Variants in MAP3K19 observed in about 807,000 individuals in gnomAD.
MAP3K19 encodes mitogen-activated protein kinase kinase kinase 19, also known as SPS1/STE20-related protein kinase YSK4.
Under a neutral mutation model 114.4 loss-of-function variants are expected in MAP3K19, and 91 were observed. That is an observed-to-expected ratio of 0.80 (90% CI 0.67 to 0.95). MAP3K19 has a LOEUF of 0.95. Among genes scored for constraint, MAP3K19 ranks in the 40% least tolerant of loss-of-function variants. The pLI, the probability that MAP3K19 is intolerant of heterozygous loss-of-function variation, is 0.00. For synonymous variants in MAP3K19, 518 were observed against 530.5 expected, an observed-to-expected ratio of 0.98 and a Z score of 0.32; for missense variants, 1,471 against 1,573.2, an observed-to-expected ratio of 0.94 and a Z score of 1.10.
chr2:135,038,096 G>A (rs1688571371), intron 2 of MAP3K19, among the ~76,000 whole-genome samples: 1 of 152,044 alleles, frequency 6.6e-6, no homozygotes, highest in Admixed American at 6.6e-5. Context: ...GGGATCAGGG[G>A]AGGTGTTTGC....
intron 9 of MAP3K19, among the ~76,000 whole-genome samples, chr2:134,990,460 GT>G (rs112948807): frequency 0.28 from 40,539 of 145,566 alleles, 5,978 homozygotes; most frequent in Middle Eastern, 0.6. Flanking sequence ...TTCTTTTTTT[GT>G]TTTTTTTTTT....
chr2:134,993,689 T>C (rs978622165), intron 8 of MAP3K19, among the ~76,000 whole-genome samples: 3 of 152,244 alleles, frequency 2.0e-5, no homozygotes, highest in African/African-American at 4.8e-5. Context: ...TATTTGAATA[T>C]GTATTATCCA....
At chr2:135,032,780 C>A (rs1384998220) in intron 2 of MAP3K19, among the ~76,000 whole-genome samples, 1 of 146,844 alleles carries the variant, frequency 6.8e-6, no homozygotes, top group Non-Finnish European at 1.5e-5. Context: ...GTGTTTGTGT[C>A]CCTGGGTACT....
At chr2:135,012,943 C>A (rs1400673385) in intron 5 of MAP3K19, among the ~76,000 whole-genome samples, 1 of 137,122 alleles carries the variant, frequency 7.3e-6, no homozygotes, top group African/African-American at 3.0e-5. Flanking sequence ...ACCCCCAAAC[C>A]CTTGTTTGTT....
intron 4 of MAP3K19, chr2:135,023,636 C>T: frequency 2.1e-6 from 1 of 474,824 alleles, no homozygotes; most frequent in South Asian, 1.6e-5. Context: ...GTCAACATCA[C>T]ATCTCGCAGT....
intron 1 of MAP3K19, among the ~76,000 whole-genome samples, chr2:135,041,617 C>A (rs901302018): frequency 4.6e-5 from 7 of 152,142 alleles, no homozygotes; most frequent in African/African-American, 7.2e-5. Context: ...GCGTGAGCCA[C>A]CGCACCCAGC....
intron 8 of MAP3K19, among the ~76,000 whole-genome samples, chr2:134,992,981 A>G (rs1685696902): frequency 6.6e-6 from 1 of 151,904 alleles, no homozygotes; most frequent in Non-Finnish European, 1.5e-5. Flanking sequence ...GCCCAACCCA[A>G]GCTGCAGGTT....
intron 12 of MAP3K19, among the ~76,000 whole-genome samples, chr2:134,978,464 G>A (rs1174652528): frequency 2.0e-5 from 3 of 152,096 alleles, no homozygotes; most frequent in Non-Finnish European, 4.4e-5. Context: ...GCCTTCCTAA[G>A]TGCTGGGATT....
intron 4 of MAP3K19, chr2:135,023,358 C>T (rs1260593646): frequency 2.0e-6 from 1 of 488,794 alleles, no homozygotes; most frequent in East Asian, 6.1e-5. Context: ...CTCCTCGGCT[C>T]AGCCCTCTGC....
In MAP3K19 at chr2:135,006,187, T is replaced by G. The variant is rs1417403094; in HGVS notation, c.139-656A>C. 2.0e-5 allele frequency among the ~76,000 whole-genome samples: 3 copies of G among 152,380 alleles called. No individual in the cohort carries two copies. In the South Asian group the frequency reaches 6.2e-4, roughly 32 times the overall value. ...AATGTTTTCTTAGTAGAATTCATTG[T>G]TTTTGATAGTTTCCTTCATTCGAAG... On this transcript the variant is annotated intron_variant, in intron 5 of 12. Coordinates refer to ENST00000392915, the MANE Select transcript of MAP3K19 (RefSeq NM_025052.5).
intron 2 of MAP3K19, among the ~76,000 whole-genome samples, chr2:135,030,769 C>T (rs1294529744): frequency 6.6e-6 from 1 of 152,026 alleles, no homozygotes; most frequent in African/African-American, 2.4e-5. Context: ...AAATACAAAA[C>T]CAAAGGGAGC....
Position 134,964,789 on chromosome 2 carries a change from T to C in MAP3K19, c.*61A>G. ...GAAACAAAGATCCCTTAGCCATCAT[T>C]CCCCACAATTAAGCAAGGGAGCATC... On this transcript the variant is annotated 3_prime_UTR_variant, in exon 13 of 13. Transcript: ENST00000392915. 1.5e-6 allele frequency: 2 copies of C among 1,332,122 alleles called. No homozygotes were observed. Among genetic ancestry groups the C allele is most frequent in the East Asian group, 2.3e-5 (1 of 42,790 alleles). The allele number at this position is 1,332,122 out of a possible 1,614,324, so 82.5% of individuals were successfully genotyped here. A position where few individuals can be genotyped will look rare whatever the true frequency, so the allele number is the denominator to read the frequency against.
chr2:135,035,084 T>C (rs1476629859), intron 2 of MAP3K19, among the ~76,000 whole-genome samples: 1 of 151,504 alleles, frequency 6.6e-6, no homozygotes, highest in South Asian at 2.1e-4. Context: ...ATTCCATTCA[T>C]ATGAAAATCC....
chr2:135,001,616 GA>G (rs1311853220), intron 6 of MAP3K19, among the ~76,000 whole-genome samples: 1 of 152,206 alleles, frequency 6.6e-6, no homozygotes, highest in East Asian at 1.9e-4. Context: ...GTTAGAGTGA[GA>G]AAAACATACA....
At chr2:135,020,301 G>C (rs1421710628) in intron 5 of MAP3K19, among the ~76,000 whole-genome samples, 1 of 152,132 alleles carries the variant, frequency 6.6e-6, no homozygotes, top group African/African-American at 2.4e-5. Flanking sequence ...TTACTGGCGT[G>C]AGCCACCGTG....
At chr2:135,042,243 C>G (rs1348973476) in intron 1 of MAP3K19, among the ~76,000 whole-genome samples, 1 of 152,190 alleles carries the variant, frequency 6.6e-6, no homozygotes, top group Non-Finnish European at 1.5e-5. Context: ...TGGCTCACGC[C>G]TGTAATCCCA....
intron 8 of MAP3K19, among the ~76,000 whole-genome samples, chr2:134,994,826 T>C (rs188914509): frequency 3.1e-4 from 47 of 152,270 alleles, no homozygotes; most frequent in African/African-American, 1.0e-3. Flanking sequence ...ATTCAACTGA[T>C]ATGTGAGGAT....
chr2:134,977,356 A>ATTTTTTTTTTTTTT (rs774277347), intron 12 of MAP3K19, among the ~76,000 whole-genome samples: 4 of 86,832 alleles, frequency 4.6e-5, no homozygotes, highest in South Asian at 4.6e-4. Flanking sequence ...TAATTTTTAA[A>ATTTTTTTTTTTTTT]TTTTTTTTTT....
intron 5 of MAP3K19, among the ~76,000 whole-genome samples, chr2:135,019,494 T>A (rs906523872): frequency 1.3e-5 from 2 of 151,966 alleles, no homozygotes; most frequent in African/African-American, 2.4e-5. Flanking sequence ...GTTCAAAAAA[T>A]TTTTTAAATT....
Sources: gnomAD v4.1 joint callset for allele counts (sites outside exome capture counted in the v4.1 genomes callset) on GRCh38, gnomAD v4.1.1 for gene constraint, MANE v1.5 for transcripts, NCBI Gene and HGNC (gene_info 2026-07-23, HGNC 2026-07-21) for gene names.